MED13L: variants seen among roughly 807,000 people sequenced by gnomAD.
The protein encoded by MED13L is mediator of RNA polymerase II transcription subunit 13-like.
MED13L carries 7 observed loss-of-function variants against 220.9 expected under a neutral mutation model. The observed-to-expected ratio is 0.03, with a 90% confidence interval of 0.02 to 0.06. MED13L has a LOEUF of 0.06. MED13L is among the 10% of genes least tolerant of loss of function. The probability of loss-of-function intolerance (pLI) is 1.00; values close to 1 mark genes in which losing one functional copy is unlikely to be tolerated. For synonymous variants in MED13L, 1,011 were observed against 1,015.2 expected, an observed-to-expected ratio of 1.00 and a Z score of 0.08; for missense variants, 1,965 against 2,760.5, an observed-to-expected ratio of 0.71 and a Z score of 6.46.
rs1880308367 is a variant in MED13L at position 116,179,206 on chromosome 12, T to TAC, written c.310+58261_310+58262insGT. Among the ~76,000 whole-genome samples the TAC allele has an allele frequency of 3.5e-5, 2 of 56,390 alleles. 1 individual carries two copies. Among genetic ancestry groups the TAC allele is most frequent in the Admixed American group, 2.7e-4 (2 of 7,324 alleles). 37.0% of individuals were successfully genotyped at this position (56,390 alleles called of 152,430 possible). A position where few individuals can be genotyped will look rare whatever the true frequency, so the allele number is the denominator to read the frequency against. ...ATAATTTAAAATTTGACGATTTACG[T>TAC]GTGTGTGTGTGTGTGTGTGTGTGTG... On this transcript the variant is annotated intron_variant, in intron 2 of 30. Transcript: ENST00000281928.
chr12:116,131,086 C>A (rs1876028739), intron 2 of MED13L, among the ~76,000 whole-genome samples: 1 of 152,044 alleles, frequency 6.6e-6, no homozygotes, highest in South Asian at 2.1e-4. Context: ...TCTGAAGTTA[C>A]AACAACCAAA....
intron 4 of MED13L, among the ~76,000 whole-genome samples, chr12:116,048,324 G>GAT (rs1304382051): frequency 2.0e-5 from 3 of 152,070 alleles, no homozygotes. Flanking sequence ...AGGAAGAGGG[G>GAT]ATAATCAGAA....
chr12:116,131,224 G>A (rs1164932170), intron 2 of MED13L, among the ~76,000 whole-genome samples: 2 of 152,142 alleles, frequency 1.3e-5, no homozygotes, highest in Non-Finnish European at 2.9e-5. Context: ...AGAAAGGAAG[G>A]ATTATAAGGA....
Position 115,961,402 on chromosome 12 carries a change from C to T in MED13L, c.6501-4G>A, listed in dbSNP as rs762120027. On this transcript the variant is annotated splice_region_variant and splice_polypyrimidine_tract_variant and intron_variant, in intron 30 of 30. Coordinates refer to ENST00000281928, the MANE Select transcript of MED13L (RefSeq NM_015335.5). ...GTTGTACTGCTCCAAAACAAACCTG[C>T]CAAAGAGAACACACAGAGCAGGGGC... 2.5e-6 allele frequency: 4 copies of T among 1,613,334 alleles called. No homozygotes were observed. Among genetic ancestry groups the T allele is most frequent in the Non-Finnish European group, 2.5e-6 (3 of 1,180,004 alleles).
At chr12:116,119,536 C>T (rs1276210454) in intron 2 of MED13L, among the ~76,000 whole-genome samples, 2 of 151,980 alleles carry the variant, frequency 1.3e-5, no homozygotes, top group Non-Finnish European at 1.5e-5. Flanking sequence ...CCATTTTATA[C>T]ATGAGAAAAC....
chr12:116,057,420 A>T (rs879371537), intron 4 of MED13L, among the ~76,000 whole-genome samples: 1 of 152,008 alleles, frequency 6.6e-6, no homozygotes, highest in Admixed American at 6.6e-5. Flanking sequence ...GGTAGAACTA[A>T]TTAGCTGCAT....
At chr12:116,193,610 C>T (rs1199022222) in intron 2 of MED13L, among the ~76,000 whole-genome samples, 1 of 27,052 alleles carries the variant, frequency 3.7e-5, no homozygotes, top group Non-Finnish European at 6.8e-5. Context: ...AAGTAGAAAT[C>T]TCTCAGAAAA....
At position 116,006,012 on chromosome 12, in the gene MED13L, AAG is replaced by A; in HGVS notation, c.2345-21_2345-20del. Reference sequence around the variant, plus strand: ...CGGACATCTGTAGGAAAGGAGGCAAAAGACACAGAATAAACAACTCCACCAAG... The same window carrying A: ...CGGACATCTGTAGGAAAGGAGGCAAAACACAGAATAAACAACTCCACCAAG... On this transcript the variant is annotated intron_variant, in intron 12 of 30. Transcript: ENST00000281928. 6.2e-7 allele frequency: 1 copy of A among 1,613,754 alleles called. No individual in the cohort carries two copies. Among genetic ancestry groups the A allele is most frequent in the Non-Finnish European group, 8.5e-7 (1 of 1,179,748 alleles).
At chr12:116,101,437 G>C (rs967102121) in intron 3 of MED13L, among the ~76,000 whole-genome samples, 1 of 152,068 alleles carries the variant, frequency 6.6e-6, no homozygotes, top group African/African-American at 2.4e-5. Flanking sequence ...ATGTAATGCT[G>C]GCATTTTTCT....
At chr12:116,060,773 G>A (rs917390599) in intron 4 of MED13L, among the ~76,000 whole-genome samples, 12 of 152,028 alleles carry the variant, frequency 7.9e-5, no homozygotes, top group African/African-American at 2.7e-4. Flanking sequence ...TATTGTGGAA[G>A]GAAATTTTAG....
chr12:116,097,072 C>T (rs971821507), intron 3 of MED13L, among the ~76,000 whole-genome samples: 1 of 152,098 alleles, frequency 6.6e-6, no homozygotes, highest in Non-Finnish European at 1.5e-5. Context: ...TCAATTCTTG[C>T]ATCATCAAGA....
chr12:116,164,743 T>C lies in MED13L; in HGVS notation c.311-53231A>G, dbSNP rs113957015. On this transcript the variant is annotated intron_variant, in intron 2 of 30. Coordinates refer to ENST00000281928, the MANE Select transcript of MED13L (RefSeq NM_015335.5). ...GATGTCACACTGTCTTTTCAGAGTA[T>C]TGCTAGTTACAAAGAAAGCACCAAG... 2.2e-3 allele frequency among the ~76,000 whole-genome samples: 340 copies of C among 152,334 alleles called. 3 individuals carry two copies. Among genetic ancestry groups the C allele is most frequent in the African/African-American group, 7.7e-3 (320 of 41,578 alleles).
intron 1 of MED13L, among the ~76,000 whole-genome samples, chr12:116,242,885 G>C (rs1870781459): frequency 6.6e-6 from 1 of 152,084 alleles, no homozygotes; most frequent in Non-Finnish European, 1.5e-5. Flanking sequence ...AAGGCAAATG[G>C]TAAAAATTAG....
At chr12:116,276,306 TTTTGTGTGTGTGTGTG>T (rs1565963428) in intron 1 of MED13L, 1 of 304,272 alleles carries the variant, frequency 3.3e-6, no homozygotes, top group African/African-American at 3.1e-5. Context: ...AGCTTGTTGC[TTTTGTGTGTGTGTGTG>T]TGTGTGTGTG....
chr12:116,244,171 T>C (rs536111060), intron 1 of MED13L, among the ~76,000 whole-genome samples: 1 of 152,300 alleles, frequency 6.6e-6, no homozygotes, highest in South Asian at 2.1e-4. Flanking sequence ...CTCACCTCAC[T>C]TCCTCCAATG....
intron 29 of MED13L, among the ~76,000 whole-genome samples, chr12:115,964,447 T>TA (rs1359560863): frequency 6.6e-6 from 1 of 152,214 alleles, no homozygotes; most frequent in South Asian, 2.1e-4. Context: ...ACATCCATCA[T>TA]AAAGTTCCTC....
chr12:116,047,424 T>C (rs918902836), intron 4 of MED13L, among the ~76,000 whole-genome samples: 4 of 152,140 alleles, frequency 2.6e-5, no homozygotes, highest in Non-Finnish European at 5.9e-5. Flanking sequence ...TTGAAGAACT[T>C]TGTTGAGAGC....
intron 2 of MED13L, among the ~76,000 whole-genome samples, chr12:116,148,076 A>AAAAAAAAAG (rs1264462636): frequency 5.9e-5 from 3 of 50,558 alleles, no homozygotes; most frequent in Admixed American, 2.4e-4. Flanking sequence ...AAAAAAAAAG[A>AAAAAAAAAG]GGGGGGCGGG....
chr12:116,191,418 C>T (rs73200224), intron 2 of MED13L, among the ~76,000 whole-genome samples: 1 of 151,870 alleles, frequency 6.6e-6, no homozygotes, highest in African/African-American at 2.4e-5. Flanking sequence ...GCAACCTCCA[C>T]CCCCTGGGTT....
Sources: gnomAD v4.1 joint callset for allele counts (sites outside exome capture counted in the v4.1 genomes callset) on GRCh38, gnomAD v4.1.1 for gene constraint, MANE v1.5 for transcripts, NCBI Gene and HGNC (gene_info 2026-07-23, HGNC 2026-07-21) for gene names.